KIAA1217: variants seen among roughly 807,000 people sequenced by gnomAD.
KIAA1217 encodes the protein sickle tail protein homolog.
Under a neutral mutation model 163.9 loss-of-function variants are expected in KIAA1217, and 88 were observed. That is an observed-to-expected ratio of 0.54 (90% CI 0.45 to 0.64). KIAA1217 has a LOEUF of 0.64. KIAA1217 is among the 30% of genes least tolerant of loss of function. KIAA1217 has a pLI of 0.00. For missense variants in KIAA1217, 2,372 were observed against 2,475.0 expected (o/e 0.96, Z 0.88); for synonymous variants, 903 against 923.1 (o/e 0.98, Z 0.39).
chr10:24,005,099 AC>A (rs1339850662), intron 1 of KIAA1217, among the ~76,000 whole-genome samples: 3 of 152,180 alleles, frequency 2.0e-5, no homozygotes, highest in African/African-American at 7.2e-5. Flanking sequence ...ACGGAGTTAG[AC>A]TGACTGGGAT....
intron 5 of KIAA1217, among the ~76,000 whole-genome samples, chr10:24,465,101 CA>C (rs1390102362): frequency 1.3e-5 from 2 of 152,162 alleles, no homozygotes; most frequent in Admixed American, 6.5e-5. Context: ...ACTGAAGACA[CA>C]AAACAAAACC....
chr10:24,207,278 T>TCACACACA (rs1158516344), upstream of KIAA1217, among the ~76,000 whole-genome samples: 1 of 101,156 alleles, frequency 9.9e-6, no homozygotes, highest in African/African-American at 7.6e-5. Context: ...TCTCTCTCTC[T>TCACACACA]CTCTCACACA....
intron 9 of KIAA1217, among the ~76,000 whole-genome samples, chr10:24,512,341 A>AAT (rs1210392009): frequency 6.6e-6 from 1 of 152,186 alleles, no homozygotes; most frequent in Non-Finnish European, 1.5e-5. Flanking sequence ...CTTTGGGGAT[A>AAT]ATATACTAGG....
chr10:24,373,601 C>T (rs775632144), intron 2 of KIAA1217, among the ~76,000 whole-genome samples: 4 of 152,160 alleles, frequency 2.6e-5, no homozygotes, highest in Admixed American at 6.5e-5. Flanking sequence ...ATTAACAATA[C>T]CTCAGAAGAT....
At position 24,240,855 on chromosome 10, in the gene KIAA1217, CT is replaced by C. The variant is rs922432005; in HGVS notation, c.354+20957del. On this transcript the variant is annotated intron_variant, in intron 2 of 20. Coordinates refer to ENST00000376454, the MANE Select transcript of KIAA1217 (RefSeq NM_019590.5). ...CTAGCAGTCAAGTAAGGCTAGTAGT[CT>C]TTTTTTTTTTAAAAAAAAAAGACAG... is the stretch of plus-strand genomic sequence containing the variant. Among the ~76,000 whole-genome samples the C allele has an allele frequency of 7.1e-3, 1,043 of 146,768 alleles. 14 individuals are homozygous for C. The highest frequency in any genetic ancestry group is 0.023 in the African/African-American group (911 of 39,708).
chr10:24,166,591 A>AGTT (rs1253390696), intron 2 of KIAA1217, among the ~76,000 whole-genome samples: 2 of 152,118 alleles, frequency 1.3e-5, no homozygotes, highest in African/African-American at 4.8e-5. Context: ...TACAACAATT[A>AGTT]ACTAGGCGTA....
intron 1 of KIAA1217, among the ~76,000 whole-genome samples, chr10:23,707,423 G>T (rs1836962361): frequency 6.6e-6 from 1 of 152,136 alleles, no homozygotes; most frequent in South Asian, 2.1e-4. Flanking sequence ...CCTCAGAGCA[G>T]TGTGTTTTCA....
chr10:24,123,236 A>T (rs570140864), intron 2 of KIAA1217, among the ~76,000 whole-genome samples: 19 of 152,156 alleles, frequency 1.2e-4, no homozygotes, highest in Admixed American at 7.9e-4. Context: ...TTAAAATTTT[A>T]AAATACATAA....
At position 24,135,699 on chromosome 10, in the gene KIAA1217, G is replaced by A. The variant is rs531256609; in HGVS notation, c.-170-83927G>A. 6.6e-5 allele frequency among the ~76,000 whole-genome samples: 10 copies of A among 152,192 alleles called. No individual in the cohort carries two copies. The East Asian group carries it at 9.7e-4, about 15-fold the overall frequency. On this transcript the variant is annotated intron_variant, in intron 2 of 18. Transcript: ENST00000376462. ...CATTCAAGTTAGATGAAACAGCACA[G>A]ACCTAGGCCTGAAGGCAGAAAGGAT...
intron 3 of KIAA1217, among the ~76,000 whole-genome samples, chr10:24,432,157 T>C (rs2131793342): frequency 6.9e-6 from 1 of 144,810 alleles, no homozygotes; most frequent in East Asian, 2.2e-4. Flanking sequence ...GGAGTCTTAC[T>C]CTATCGCCCA....
intron 16 of KIAA1217, among the ~76,000 whole-genome samples, chr10:24,536,058 C>T (rs868316286): frequency 9.2e-5 from 14 of 152,150 alleles, no homozygotes; most frequent in Non-Finnish European, 1.5e-4. Context: ...CCCACATGCC[C>T]GCTTCCTTTT....
At position 24,183,488 on chromosome 10, in the gene KIAA1217, C is replaced by T. The variant is rs559012531; in HGVS notation, c.-170-36138C>T. 5.3e-5 allele frequency among the ~76,000 whole-genome samples: 8 copies of T among 152,326 alleles called. No homozygotes were observed. The South Asian group carries it at 1.5e-3, about 28-fold the overall frequency. On this transcript the variant is annotated intron_variant, in intron 2 of 18. Transcript: ENST00000376462. ...AAAAAAAGACAGTGGGGCTAAATTA[C>T]TCTGTGTCCTAAAAATAATTCCCCC... is the stretch of plus-strand genomic sequence containing the variant.
chr10:24,259,054 GC>G (rs1291274578), intron 2 of KIAA1217, among the ~76,000 whole-genome samples: 1 of 152,164 alleles, frequency 6.6e-6, no homozygotes, highest in Non-Finnish European at 1.5e-5. Flanking sequence ...GAGAGGTTAA[GC>G]TGCTTCTACC....
At chr10:24,535,636 G>A (rs12762735) in intron 16 of KIAA1217, among the ~76,000 whole-genome samples, 61,220 of 151,804 alleles carry the variant, frequency 0.4, 13,069 homozygotes, top group Middle Eastern at 0.58. Context: ...AATCAGCCAG[G>A]CGTGGTGGCG....
intron 1 of KIAA1217, among the ~76,000 whole-genome samples, chr10:23,845,864 G>T (rs960914326): frequency 1.3e-5 from 2 of 152,194 alleles, no homozygotes; most frequent in Non-Finnish European, 2.9e-5. Flanking sequence ...TATGGTTTTA[G>T]GTCTTATGCT....
intron 2 of KIAA1217, among the ~76,000 whole-genome samples, chr10:24,044,548 C>A (rs1848852880): frequency 6.6e-6 from 1 of 151,994 alleles, no homozygotes; most frequent in South Asian, 2.1e-4. Context: ...ATTTCTTAGA[C>A]TAGTGTAGTG....
chr10:24,104,747 C>T (rs2062555394), intron 2 of KIAA1217, among the ~76,000 whole-genome samples: 1 of 152,166 alleles, frequency 6.6e-6, no homozygotes, highest in Admixed American at 6.5e-5. Flanking sequence ...AGGCTGTGCA[C>T]ATGTAGGGAC....
intron 1 of KIAA1217, among the ~76,000 whole-genome samples, chr10:23,748,838 C>T (rs1839572533): frequency 6.6e-6 from 1 of 152,102 alleles, no homozygotes; most frequent in African/African-American, 2.4e-5. Context: ...GTAGTAAAGG[C>T]TTTGCTGTCT....
At chr10:23,704,611 A>G (rs1588630395) in intron 1 of KIAA1217, among the ~76,000 whole-genome samples, 1 of 152,062 alleles carries the variant, frequency 6.6e-6, no homozygotes, top group Non-Finnish European at 1.5e-5. Context: ...TTAACTGTTC[A>G]TCTGTGTTGT....
Sources: gnomAD v4.1 joint callset for allele counts (sites outside exome capture counted in the v4.1 genomes callset) on GRCh38, gnomAD v4.1.1 for gene constraint, MANE v1.5 for transcripts, NCBI Gene and HGNC (gene_info 2026-07-23, HGNC 2026-07-21) for gene names.